Variants in RBM39 observed in about 807,000 individuals in gnomAD.
RBM39 encodes RNA-binding protein 39.
Under a neutral mutation model 79.6 loss-of-function variants are expected in RBM39, and 12 were observed. That is an observed-to-expected ratio of 0.15 (90% CI 0.10 to 0.24). RBM39 has a LOEUF of 0.24. Among genes scored for constraint, RBM39 ranks in the 10% least tolerant of loss-of-function variants. RBM39 has a pLI of 1.00. For synonymous variants in RBM39, 185 were observed against 208.4 expected (o/e 0.89, Z 0.97); for missense variants, 243 against 653.4 (o/e 0.37, Z 6.85).
chr20:35,723,716 G>A (rs2038290123), intron 8 of RBM39, among the ~76,000 whole-genome samples: 1 of 152,278 alleles, frequency 6.6e-6, no homozygotes, highest in South Asian at 2.1e-4. Flanking sequence ...GGGATTACAG[G>A]CATGAGCCAT....
chr20:35,705,361 C>A, intron 14 of RBM39, 31 bp from the exon 15 acceptor site: 1 of 1,135,882 alleles, frequency 8.8e-7, no homozygotes, highest in East Asian at 2.5e-5. Flanking sequence ...CTCTTAAATA[C>A]TATTGAAACT....
chr20:35,726,757 T>C (rs2425107), intron 6 of RBM39, among the ~76,000 whole-genome samples: 4,755 of 152,280 alleles, frequency 0.031, 246 homozygotes, highest in African/African-American at 0.11. Flanking sequence ...CACGATCTTT[T>C]CCATTTTTTG....
chr20:35,714,065 A>G, intron 11 of RBM39, 120 bp downstream of exon 11: 1 of 937,956 alleles, frequency 1.1e-6, no homozygotes, highest in Admixed American at 2.5e-5. Context: ...AGTGTGACCA[A>G]GGATAACGCC....
At chr20:35,705,710 A>T (rs1450803359) in intron 14 of RBM39, among the ~76,000 whole-genome samples, 3 of 151,916 alleles carry the variant, frequency 2.0e-5, no homozygotes, top group Non-Finnish European at 4.4e-5. Flanking sequence ...AAGCAGGAGA[A>T]TCGCTTGAGC....
intron 16 of RBM39, 41 bp from the exon 17 acceptor site, chr20:35,704,622 T>C: frequency 1.9e-6 from 3 of 1,610,302 alleles, no homozygotes; most frequent in Non-Finnish European, 2.5e-6. Context: ...GCATCTTCAT[T>C]ATAGAGCCTT....
At chr20:35,720,347 G>A (rs933108727) in intron 9 of RBM39, among the ~76,000 whole-genome samples, 3 of 152,186 alleles carry the variant, frequency 2.0e-5, no homozygotes, top group African/African-American at 4.8e-5. Context: ...CGTGGCGCCT[G>A]TGAAGCAGAT....
intron 1 of RBM39, among the ~76,000 whole-genome samples, chr20:35,741,296 A>T (rs1252914539): frequency 1.3e-5 from 2 of 151,480 alleles, no homozygotes; most frequent in Non-Finnish European, 2.9e-5. Context: ...TGCCTCCCAA[A>T]CTGCTGGGAT....
chr20:35,730,742 C>T (rs1178442708), intron 4 of RBM39, among the ~76,000 whole-genome samples: 1 of 151,900 alleles, frequency 6.6e-6, no homozygotes, highest in African/African-American at 2.4e-5. Flanking sequence ...AACATAATCC[C>T]ATTTTAAAAA....
chr20:35,723,911 C>T (rs1020876195), intron 8 of RBM39, among the ~76,000 whole-genome samples: 7 of 152,094 alleles, frequency 4.6e-5, no homozygotes, highest in South Asian at 2.1e-4. Context: ...AGTGGTGGCA[C>T]GCACCTGTAG....
intron 2 of RBM39, chr20:35,740,142 A>T: frequency 6.2e-6 from 1 of 160,788 alleles, no homozygotes; most frequent in Non-Finnish European, 1.4e-5. Flanking sequence ...AGTGACTCTA[A>T]GCTTGTATTT....
intron 10 of RBM39, among the ~76,000 whole-genome samples, chr20:35,715,312 T>C (rs189493411): frequency 1.4e-3 from 210 of 152,242 alleles, no homozygotes; most frequent in African/African-American, 4.6e-3. Context: ...GATGCTAGGA[T>C]TATAGGCGCC....
chr20:35,739,130 T>C (rs1005935014), intron 2 of RBM39, 113 bp from the exon 3 acceptor site: 7 of 917,310 alleles, frequency 7.6e-6, no homozygotes, highest in African/African-American at 3.3e-5. Flanking sequence ...AAACTAATTA[T>C]TTACTTATAG....
intron 6 of RBM39, among the ~76,000 whole-genome samples, chr20:35,726,201 G>A (rs1009522220): frequency 4.0e-5 from 6 of 151,874 alleles, no homozygotes; most frequent in Non-Finnish European, 7.4e-5. Flanking sequence ...GCGCAATCTC[G>A]GCTCACTGCA....
At chr20:35,734,124 C>CA (rs760844334) in intron 3 of RBM39, 113 of 979,882 alleles carry the variant, frequency 1.2e-4, no homozygotes, top group Non-Finnish European at 1.4e-4. Flanking sequence ...AGGTCTGCCT[C>CA]AGAGAACCTG....
At chr20:35,724,501 C>A in intron 8 of RBM39, 69 bp downstream of exon 8, 1 of 1,517,230 alleles carries the variant, frequency 6.6e-7, no homozygotes, top group East Asian at 2.3e-5. Context: ...AACACAACAG[C>A]ACTATACCAT....
At chr20:35,729,433 T>G in intron 5 of RBM39, 29 bp downstream of exon 5, 1 of 1,610,398 alleles carries the variant, frequency 6.2e-7, no homozygotes, top group Non-Finnish European at 8.5e-7. Context: ...GAAAAACAAT[T>G]TAAACAATTC....
intron 2 of RBM39, chr20:35,740,607 G>T: frequency 6.9e-7 from 1 of 1,458,500 alleles, no homozygotes; most frequent in Non-Finnish European, 9.3e-7. Context: ...TCTACAAAGA[G>T]AGATAGATGG....
chr20:35,707,643 C>T (rs1232810552), intron 13 of RBM39: 1 of 181,390 alleles, frequency 5.5e-6, no homozygotes, highest in Non-Finnish European at 1.2e-5. Context: ...TTTTTTAAAT[C>T]TACAAATTAT....
At chr20:35,734,146 T>G in intron 3 of RBM39, 1 of 1,213,618 alleles carries the variant, frequency 8.2e-7, no homozygotes, top group Non-Finnish European at 1.1e-6. Flanking sequence ...AAGCAGGTCA[T>G]CTTTAGAGTG....
Sources: gnomAD v4.1 joint callset for allele counts (sites outside exome capture counted in the v4.1 genomes callset) on GRCh38, gnomAD v4.1.1 for gene constraint, MANE v1.5 for transcripts, NCBI Gene and HGNC (gene_info 2026-07-23, HGNC 2026-07-21) for gene names.